The following CTNND2 variants were observed in gnomAD, a reference collection of about 807,000 sequenced individuals.
CTNND2 encodes catenin delta-2.
CTNND2 carries 22 observed loss-of-function variants against 144.4 expected under a neutral mutation model. The ratio of observed to expected loss-of-function variants is 0.15; its 90% CI spans 0.11 to 0.22. The LOEUF (loss-of-function observed/expected upper bound fraction) is 0.22. CTNND2 is among the 10% of genes least tolerant of loss of function. The pLI is 1.00. For missense variants in CTNND2, 1,353 were observed against 1,618.8 expected (o/e 0.84, Z 2.82); for synonymous variants, 751 against 695.6 (o/e 1.08, Z -1.25).
chr5:11,592,362 CAT>C (rs1261785102), intron 2 of CTNND2, among the ~76,000 whole-genome samples: 5 of 151,880 alleles, frequency 3.3e-5, no homozygotes, highest in Non-Finnish European at 1.5e-5. Context: ...ATGAAATATG[CAT>C]AATGTATGAT....
At chr5:11,318,356 C>T (rs992847134) in intron 9 of CTNND2, among the ~76,000 whole-genome samples, 3 of 152,168 alleles carry the variant, frequency 2.0e-5, no homozygotes, top group Non-Finnish European at 4.4e-5. Flanking sequence ...CAAAGACAAA[C>T]ATCAAGCCAT....
intron 3 of CTNND2, among the ~76,000 whole-genome samples, chr5:11,512,321 A>T (rs1279030690): frequency 2.6e-5 from 4 of 152,214 alleles, no homozygotes; most frequent in Non-Finnish European, 5.9e-5. Flanking sequence ...CTTCTCTATA[A>T]TCCGTCTCTA....
intron 9 of CTNND2, among the ~76,000 whole-genome samples, chr5:11,299,686 T>G (rs980707601): frequency 6.6e-6 from 1 of 152,210 alleles, no homozygotes; most frequent in Non-Finnish European, 1.5e-5. Flanking sequence ...GAAACTTTCC[T>G]GCCAAGGTGT....
At chr5:11,875,952 C>A (rs976503041) in intron 1 of CTNND2, among the ~76,000 whole-genome samples, 2 of 152,158 alleles carry the variant, frequency 1.3e-5, no homozygotes, top group Admixed American at 6.5e-5. Context: ...CACAATCTCA[C>A]AAGGAATATC....
At chr5:11,831,979 C>T (rs1400291538) in intron 1 of CTNND2, among the ~76,000 whole-genome samples, 2 of 151,990 alleles carry the variant, frequency 1.3e-5, no homozygotes, top group Non-Finnish European at 2.9e-5. Flanking sequence ...AAAAACAAAA[C>T]TTCATTAAAA....
chr5:11,082,610 C>G, intron 16 of CTNND2, 86 bp downstream of exon 16: 1 of 1,466,564 alleles, frequency 6.8e-7, no homozygotes, highest in Middle Eastern at 1.8e-4. Flanking sequence ...TAAGCATAGG[C>G]TATGCATACG....
At chr5:11,266,746 T>G (rs536304970) in intron 9 of CTNND2, among the ~76,000 whole-genome samples, 1 of 152,230 alleles carries the variant, frequency 6.6e-6, no homozygotes, top group Non-Finnish European at 1.5e-5. Context: ...CCAGCTTAAT[T>G]AGCATAATTT....
chr5:11,309,164 G>A (rs1377985581), intron 9 of CTNND2, among the ~76,000 whole-genome samples: 1 of 152,134 alleles, frequency 6.6e-6, no homozygotes, highest in Non-Finnish European at 1.5e-5. Context: ...TTCTCAATGG[G>A]GCACTGCCTA....
intron 1 of CTNND2, among the ~76,000 whole-genome samples, chr5:11,841,016 T>C (rs1312792118): frequency 6.6e-6 from 1 of 152,204 alleles, no homozygotes; most frequent in Admixed American, 6.5e-5. Flanking sequence ...TACATTTTCA[T>C]TGAATTCTCA....
chr5:11,163,461 G>T (rs1758996201), intron 11 of CTNND2, among the ~76,000 whole-genome samples: 1 of 152,204 alleles, frequency 6.6e-6, no homozygotes, highest in Non-Finnish European at 1.5e-5. Flanking sequence ...CTCACACTTA[G>T]ACAGTGGGTG....
At chr5:11,614,274 A>G (rs1780475507) in intron 2 of CTNND2, among the ~76,000 whole-genome samples, 1 of 152,234 alleles carries the variant, frequency 6.6e-6, no homozygotes. Context: ...TTACAAAGTT[A>G]CATAATGATG....
chr5:10,994,092 G>A (rs1579978726), intron 18 of CTNND2, among the ~76,000 whole-genome samples: 2 of 150,354 alleles, frequency 1.3e-5, no homozygotes, highest in Non-Finnish European at 1.5e-5. Context: ...CATTCTACAG[G>A]AAGAATTTGA....
chr5:11,027,018 A>T (rs1680263012), intron 16 of CTNND2, among the ~76,000 whole-genome samples: 1 of 152,224 alleles, frequency 6.6e-6, no homozygotes, highest in African/African-American at 2.4e-5. Context: ...AAAATTAGTT[A>T]TATTACTTAT....
intron 9 of CTNND2, among the ~76,000 whole-genome samples, chr5:11,288,332 A>ATT (rs35749102): frequency 8.1e-5 from 12 of 148,982 alleles, no homozygotes; most frequent in South Asian, 4.3e-4. Context: ...GCCTTCAAGT[A>ATT]TTTTTTTTTT....
intron 3 of CTNND2, among the ~76,000 whole-genome samples, chr5:11,508,880 C>T (rs566092209): frequency 6.6e-6 from 1 of 151,216 alleles, no homozygotes; most frequent in African/African-American, 2.4e-5. Flanking sequence ...CACTGCACTC[C>T]AGCCTGGGCA....
At chr5:11,644,768 C>G (rs1475444682) in intron 2 of CTNND2, among the ~76,000 whole-genome samples, 1 of 152,012 alleles carries the variant, frequency 6.6e-6, no homozygotes, top group African/African-American at 2.4e-5. Context: ...TCATGACTGC[C>G]CACTATATGG....
intron 7 of CTNND2, among the ~76,000 whole-genome samples, chr5:11,375,668 A>G (rs1038006190): frequency 1.3e-5 from 2 of 152,216 alleles, no homozygotes; most frequent in African/African-American, 4.8e-5. Flanking sequence ...ACCAATCTAT[A>G]GCCAAAATTC....
intron 11 of CTNND2, among the ~76,000 whole-genome samples, chr5:11,171,863 G>A (rs895121760): frequency 2.6e-5 from 4 of 152,234 alleles, no homozygotes; most frequent in African/African-American, 7.2e-5. Flanking sequence ...AAGAAAAAGT[G>A]AGCAAAGGCT....
chr5:11,281,783 C>G (rs1053038925), intron 9 of CTNND2, among the ~76,000 whole-genome samples: 3 of 152,118 alleles, frequency 2.0e-5, no homozygotes, highest in Non-Finnish European at 4.4e-5. Flanking sequence ...ATAAGGACAC[C>G]AGGCAGATTG....
Sources: allele counts gnomAD v4.1 joint callset (sites outside exome capture counted in the v4.1 genomes callset), GRCh38; gene constraint gnomAD v4.1.1; transcripts MANE v1.5; gene names NCBI Gene and HGNC (gene_info 2026-07-23, HGNC 2026-07-21).